ABL1: variants seen among roughly 807,000 people sequenced by gnomAD.
The protein encoded by ABL1 is tyrosine-protein kinase ABL1.
ABL1 carries 11 observed loss-of-function variants against 94.7 expected under a neutral mutation model. The ratio of observed to expected loss-of-function variants is 0.12; its 90% confidence interval spans 0.07 to 0.19. The LOEUF (loss-of-function observed/expected upper bound fraction) is 0.19, where lower values mean the gene tolerates loss of function less well. ABL1 is among the 10% of genes least tolerant of loss of function. ABL1 has a pLI of 1.00. For synonymous variants in ABL1, 656 were observed against 622.4 expected, an observed-to-expected ratio of 1.05 and a Z score of -0.80; for missense variants, 1,082 against 1,489.4, an observed-to-expected ratio of 0.73 and a Z score of 4.50.
rs571985816 is a variant in ABL1, at chr9:130,836,843, A to G, written c.79+1318A>G. Among the ~76,000 whole-genome samples, 1,137 of 150,536 alleles carry G rather than the reference A, an allele frequency of 7.6e-3. 14 individuals are homozygous for G. Among genetic ancestry groups the G allele is most frequent in the African/African-American group, 0.026 (1,058 of 40,534 alleles). ...CGGTCTCAAAAAAAAAAAAAAAAAA[A>G]AAAGAGTAGAAAGAAATGTGAAGCT... On this transcript the variant is annotated intron_variant, in intron 1 of 10. Coordinates refer to ENST00000318560, the MANE Select transcript of ABL1 (RefSeq NM_005157.6).
chr9:130,854,350 A>G (rs1830939305), intron 2 of ABL1, 113 bp downstream of exon 2: 1 of 1,218,732 alleles, frequency 8.2e-7, no homozygotes, highest in Non-Finnish European at 1.1e-6. Context: ...TCTGGACTGC[A>G]GGGATATCCA....
chr9:130,846,620 G>A (rs1340645375), intron 1 of ABL1, among the ~76,000 whole-genome samples: 4 of 152,228 alleles, frequency 2.6e-5, no homozygotes, highest in Non-Finnish European at 5.9e-5. Flanking sequence ...CACTCTAGTG[G>A]GAACTATGAT....
At chr9:130,754,027 A>C (rs937298754) in intron 1 of ABL1, among the ~76,000 whole-genome samples, 2 of 150,782 alleles carry the variant, frequency 1.3e-5, no homozygotes, top group African/African-American at 2.4e-5. Context: ...CAACATGGTG[A>C]AACCCCGTCT....
In ABL1 at chr9:130,887,615, T is replaced by G; in HGVS notation, c.*1932T>G. 1 of 231,544 alleles carries G rather than the reference T, an allele frequency of 4.3e-6. No homozygotes were observed. The allele number at this position is 231,544 out of a possible 1,614,324, so 14.3% of individuals were successfully genotyped here. ...TTCTGTATATGATTCTCTGTGGTTT[T>G]TTTTGAATCCAAATCTGTCCTCTGT... On this transcript the variant is annotated 3_prime_UTR_variant, in exon 11 of 11. Transcript: ENST00000318560.
chr9:130,869,613 C>T (rs538889596), intron 4 of ABL1, among the ~76,000 whole-genome samples: 3 of 152,350 alleles, frequency 2.0e-5, no homozygotes, highest in Non-Finnish European at 4.4e-5. Flanking sequence ...CTAACAAGCA[C>T]AGAAGAGACC....
chr9:130,884,477 G>T lies in ABL1; in HGVS notation c.2187G>T (p.Thr729=). ...GCGTTCCCCATGGGGCCAAGGACAC[G>T]GAGTGGAGGTCAGTCACGCTGCCTC... ...ASCVPHGAKD[T]EWRSVTLPRD... is the part of the protein sequence containing the mutation. The change falls in exon 11 of 11, where the codon ACG becomes ACT. Residue 729 remains threonine (T), a synonymous_variant. Coordinates refer to ENST00000318560, the MANE Select transcript of ABL1 (RefSeq NM_005157.6). The surrounding 1 kb of genome is among the most constrained non-coding windows in gnomAD (Gnocchi z 5.6). 1 of 1,613,124 alleles carries T rather than the reference G, an allele frequency of 6.2e-7. No homozygotes were observed. Among genetic ancestry groups the T allele is most frequent in the Admixed American group, 1.7e-5 (1 of 60,026 alleles).
intron 1 of ABL1, among the ~76,000 whole-genome samples, chr9:130,745,310 C>T (rs1831874798): frequency 6.6e-6 from 1 of 151,946 alleles, no homozygotes; most frequent in Admixed American, 6.6e-5. Flanking sequence ...TCTTGAACTC[C>T]CGACCTCAGG....
At chr9:130,756,014 A>G (rs1052377344) in intron 1 of ABL1, among the ~76,000 whole-genome samples, 5 of 152,316 alleles carry the variant, frequency 3.3e-5, no homozygotes, top group African/African-American at 1.2e-4. Context: ...TTAAAAAAAA[A>G]TGACTTGATA....
In ABL1 at chr9:130,873,075, C is replaced by T. The variant is rs36044159; in HGVS notation, c.1085+38C>T. 181 of 1,597,030 alleles carry T rather than the reference C, an allele frequency of 1.1e-4. 1 individual carries two copies. The African/African-American group carries it at 1.9e-3, about 17-fold the overall frequency. ...CCAGGCAGCCTGCGCCATGGAGTCA[C>T]AGGGCGTGGAGCCGGGCAGCCTTTT... On this transcript the variant is annotated intron_variant, in intron 6 of 10. Transcript: ENST00000318560.
intron 1 of ABL1, among the ~76,000 whole-genome samples, chr9:130,715,225 A>G (rs528507055): frequency 2.0e-5 from 3 of 152,366 alleles, no homozygotes; most frequent in Non-Finnish European, 4.4e-5. Context: ...GTGCGAAGTT[A>G]AAGCTAAGGG....
intron 1 of ABL1, among the ~76,000 whole-genome samples, chr9:130,836,420 C>G (rs144423171): frequency 6.6e-6 from 1 of 152,242 alleles, no homozygotes; most frequent in East Asian, 1.9e-4. Context: ...TGAAATTGAT[C>G]TGATTTGAGA....
chr9:130,736,512 C>T (rs893914037), intron 1 of ABL1, among the ~76,000 whole-genome samples: 1 of 151,868 alleles, frequency 6.6e-6, no homozygotes, highest in Non-Finnish European at 1.5e-5. Flanking sequence ...TTTTTTGAGA[C>T]GAAGTTTCGC....
chr9:130,766,444 G>C (rs1039648520), intron 1 of ABL1, among the ~76,000 whole-genome samples: 1 of 152,188 alleles, frequency 6.6e-6, no homozygotes, highest in African/African-American at 2.4e-5. Context: ...GAGGGTGCAG[G>C]TACTGGATGT....
At chr9:130,818,436 CT>C (rs1234534928) in intron 1 of ABL1, among the ~76,000 whole-genome samples, 1 of 152,142 alleles carries the variant, frequency 6.6e-6, no homozygotes, top group African/African-American at 2.4e-5. Flanking sequence ...TACTGCTGCA[CT>C]CCAGCCTGGG....
intron 1 of ABL1, among the ~76,000 whole-genome samples, chr9:130,749,611 G>A (rs1214082809): frequency 2.6e-5 from 4 of 152,158 alleles, no homozygotes; most frequent in Admixed American, 6.5e-5. Flanking sequence ...ACGTGATCTT[G>A]TAGAAGTCAC....
At chr9:130,729,013 GTTAC>G (rs1831627744) in intron 1 of ABL1, among the ~76,000 whole-genome samples, 1 of 152,150 alleles carries the variant, frequency 6.6e-6, no homozygotes, top group African/African-American at 2.4e-5. Context: ...GGTTACTGTA[GTTAC>G]TTAAATTACT....
At chr9:130,812,211 A>AG (rs1830219375) in intron 1 of ABL1, among the ~76,000 whole-genome samples, 2 of 150,476 alleles carry the variant, frequency 1.3e-5, no homozygotes, top group East Asian at 1.9e-4. Flanking sequence ...AAAAAAAAAA[A>AG]AAAAAAAAAA....
At chr9:130,781,068 G>A (rs1052246344) in intron 1 of ABL1, among the ~76,000 whole-genome samples, 5 of 152,126 alleles carry the variant, frequency 3.3e-5, no homozygotes, top group Admixed American at 1.3e-4. Context: ...TTCTGAAGAC[G>A]CAGTGAGTCA....
At chr9:130,730,035 G>C (rs1291093053) in intron 1 of ABL1, among the ~76,000 whole-genome samples, 1 of 102,904 alleles carries the variant, frequency 9.7e-6, no homozygotes, top group South Asian at 3.0e-4. Context: ...GAGCCACTGC[G>C]CCCAGCCAGA....
Sources: gnomAD v4.1 joint callset for allele counts (sites outside exome capture counted in the v4.1 genomes callset) on GRCh38, gnomAD v4.1.1 for gene constraint, Gnocchi (gnomAD v3.1) non-coding constraint, MANE v1.5 for transcripts, NCBI Gene and HGNC (gene_info 2026-07-23, HGNC 2026-07-21) for gene names.